The following SIPA1L3 variants were observed in gnomAD, a reference collection of about 807,000 sequenced individuals.
SIPA1L3 encodes the protein signal-induced proliferation-associated 1-like protein 3.
A neutral mutation model predicts 150.1 loss-of-function variants in SIPA1L3; 59 were observed. The observed-to-expected ratio is 0.39, with a 90% CI of 0.32 to 0.49. SIPA1L3 has a LOEUF of 0.49. SIPA1L3 is among the 20% of genes least tolerant of loss of function. SIPA1L3 has a pLI of 0.86. For missense variants in SIPA1L3, 2,211 were observed against 2,489.5 expected, an observed-to-expected ratio of 0.89 and a Z score of 2.38; for synonymous variants, 1,070 against 1,077.6, an observed-to-expected ratio of 0.99 and a Z score of 0.14.
At chr19:38,101,702 C>T (rs566262017) in intron 6 of SIPA1L3, among the ~76,000 whole-genome samples, 4 of 152,310 alleles carry the variant, frequency 2.6e-5, no homozygotes, top group East Asian at 3.9e-4. Flanking sequence ...TGAGCCACCA[C>T]GCCTGGCCAT....
At chr19:37,921,225 C>T (rs945697470) in intron 1 of SIPA1L3, among the ~76,000 whole-genome samples, 3 of 152,236 alleles carry the variant, frequency 2.0e-5, no homozygotes, top group Non-Finnish European at 2.9e-5. Context: ...AACGCCTTTA[C>T]GGCCGGCCGG....
chr19:37,973,796 C>A (rs1314438137), intron 1 of SIPA1L3, among the ~76,000 whole-genome samples: 5 of 152,170 alleles, frequency 3.3e-5, no homozygotes, highest in Non-Finnish European at 5.9e-5. Flanking sequence ...ACATTTGATA[C>A]AACCTCTCTG....
intron 1 of SIPA1L3, among the ~76,000 whole-genome samples, chr19:38,028,329 C>G (rs895671094): frequency 1.3e-5 from 2 of 152,142 alleles, no homozygotes; most frequent in Non-Finnish European, 2.9e-5. Context: ...ACCGCTTGCC[C>G]CTCACTCACC....
intron 1 of SIPA1L3, among the ~76,000 whole-genome samples, chr19:37,960,715 A>C (rs2046850367): frequency 6.6e-6 from 1 of 151,274 alleles, no homozygotes; most frequent in African/African-American, 2.4e-5. Context: ...CCTCACACTC[A>C]GCTAATTTTT....
chr19:38,156,949 G>A (rs1161561801), intron 13 of SIPA1L3, among the ~76,000 whole-genome samples: 1 of 152,110 alleles, frequency 6.6e-6, no homozygotes, highest in East Asian at 1.9e-4. Flanking sequence ...GATTGCTTGA[G>A]GCTAGGAGTT....
At chr19:38,162,480 C>A in intron 14 of SIPA1L3, 109 bp downstream of exon 14, 2 of 787,586 alleles carry the variant, frequency 2.5e-6, no homozygotes, top group African/African-American at 1.7e-5. Flanking sequence ...TTCCACTCAG[C>A]AGAGGGGTTG....
At chr19:37,925,499 G>A (rs2046495284) in intron 1 of SIPA1L3, among the ~76,000 whole-genome samples, 1 of 152,040 alleles carries the variant, frequency 6.6e-6, no homozygotes, top group African/African-American at 2.4e-5. Context: ...GGGTAGAGAG[G>A]AGATATTTGC....
chr19:37,918,190 A>G (rs1206791748), intron 1 of SIPA1L3, among the ~76,000 whole-genome samples: 1 of 152,024 alleles, frequency 6.6e-6, no homozygotes, highest in African/African-American at 2.4e-5. Context: ...GAGGGTGAGC[A>G]GGGGGACTAA....
chr19:38,146,725 C>T (rs1007115039), intron 12 of SIPA1L3, among the ~76,000 whole-genome samples: 1 of 152,178 alleles, frequency 6.6e-6, no homozygotes, highest in Non-Finnish European at 1.5e-5. Flanking sequence ...CACCATTTGG[C>T]GTTGTCACTG....
chr19:38,140,800 A>AT (rs1971557961), intron 10 of SIPA1L3, among the ~76,000 whole-genome samples: 2 of 152,084 alleles, frequency 1.3e-5, no homozygotes, highest in South Asian at 4.2e-4. Context: ...GCTCACTCCT[A>AT]TAATCCCAGC....
intron 2 of SIPA1L3, among the ~76,000 whole-genome samples, chr19:38,061,913 G>C (rs1969452911): frequency 6.6e-6 from 1 of 151,076 alleles, no homozygotes; most frequent in Non-Finnish European, 1.5e-5. Flanking sequence ...GAAAATACTA[G>C]TGGAAGATTC....
intron 1 of SIPA1L3, among the ~76,000 whole-genome samples, chr19:37,934,663 A>T (rs1599811393): frequency 8.5e-6 from 1 of 118,080 alleles, no homozygotes. Context: ...TTTTGTGCCC[A>T]CCCCCGACCC....
At chr19:37,972,765 AT>A (rs771164205) in intron 1 of SIPA1L3, among the ~76,000 whole-genome samples, 4 of 152,144 alleles carry the variant, frequency 2.6e-5, no homozygotes, top group Non-Finnish European at 5.9e-5. Context: ...TTGGTGACAA[AT>A]TTGTAAGCAT....
At chr19:38,176,806 T>C (rs1199218439) in intron 15 of SIPA1L3, among the ~76,000 whole-genome samples, 1 of 151,968 alleles carries the variant, frequency 6.6e-6, no homozygotes, top group African/African-American at 2.4e-5. Context: ...ACCCCATCTC[T>C]ACTAAAAATA....
intron 1 of SIPA1L3, among the ~76,000 whole-genome samples, chr19:37,962,572 G>T (rs1314757527): frequency 6.8e-6 from 1 of 147,816 alleles, no homozygotes; most frequent in Non-Finnish European, 1.5e-5. Flanking sequence ...GGGCTCAAAT[G>T]ATTCTCTTGC....
At chr19:38,121,628 A>C (rs1194337785) in intron 9 of SIPA1L3, among the ~76,000 whole-genome samples, 1 of 151,774 alleles carries the variant, frequency 6.6e-6, no homozygotes, top group African/African-American at 2.4e-5. Flanking sequence ...AGTCCCAGCT[A>C]CTCGGGAGGC....
chr19:38,004,359 C>T (rs531603187), intron 1 of SIPA1L3, among the ~76,000 whole-genome samples: 2 of 152,350 alleles, frequency 1.3e-5, no homozygotes, highest in South Asian at 2.1e-4. Flanking sequence ...GTAACAAAAA[C>T]ACCAACTCAA....
chr19:38,152,421 A>T (rs1035976848), intron 12 of SIPA1L3, among the ~76,000 whole-genome samples: 3 of 152,154 alleles, frequency 2.0e-5, no homozygotes, highest in African/African-American at 7.2e-5. Context: ...TGCACCCATG[A>T]ATGCTTCCCA....
At chr19:38,127,502 T>C (rs1971202842) in intron 9 of SIPA1L3, among the ~76,000 whole-genome samples, 1 of 152,178 alleles carries the variant, frequency 6.6e-6, no homozygotes, top group South Asian at 2.1e-4. Flanking sequence ...ATTTTAACTT[T>C]AATTTTTAAA....
Sources: allele counts gnomAD v4.1 joint callset (sites outside exome capture counted in the v4.1 genomes callset), GRCh38; gene constraint gnomAD v4.1.1; transcripts MANE v1.5; gene names NCBI Gene and HGNC (gene_info 2026-07-23, HGNC 2026-07-21).